The following NRXN3 variants were observed in gnomAD, a reference collection of about 807,000 sequenced individuals.
NRXN3 encodes neurexin III.
A neutral mutation model predicts 137.6 loss-of-function variants in NRXN3; 32 were observed. The observed-to-expected ratio is 0.23, with a 90% CI of 0.18 to 0.31. The LOEUF is 0.31. NRXN3 is among the 10% of genes least tolerant of loss of function. The pLI, the probability that NRXN3 is intolerant of heterozygous loss-of-function variation, is 1.00. For synonymous variants in NRXN3, 798 were observed against 784.5 expected (o/e 1.02, Z -0.29); for missense variants, 1,574 against 2,062.5 (o/e 0.76, Z 4.59).
intron 15 of NRXN3, among the ~76,000 whole-genome samples, chr14:79,225,805 G>A (rs191477356): frequency 1.5e-3 from 221 of 152,208 alleles, no homozygotes; most frequent in African/African-American, 5.1e-3. Context: ...ATTTCTTGTG[G>A]TTGAAGGATG....
intron 15 of NRXN3, among the ~76,000 whole-genome samples, chr14:79,259,740 A>ACC (rs1306047918): frequency 6.6e-6 from 1 of 150,602 alleles, no homozygotes; most frequent in Non-Finnish European, 1.5e-5. Flanking sequence ...ACACACACAC[A>ACC]CACATATACA....
At chr14:79,302,834 A>T (rs542926061) in intron 15 of NRXN3, among the ~76,000 whole-genome samples, 3 of 151,998 alleles carry the variant, frequency 2.0e-5, no homozygotes, top group Non-Finnish European at 4.4e-5. Flanking sequence ...TGAGTCAATT[A>T]TACCTCATTT....
chr14:79,555,029 T>C (rs2097415173), intron 16 of NRXN3, among the ~76,000 whole-genome samples: 1 of 152,150 alleles, frequency 6.6e-6, no homozygotes, highest in South Asian at 2.1e-4. Context: ...GAGTGAAACA[T>C]TCAGGTCCTA....
chr14:79,375,052 C>T (rs2094221737), intron 15 of NRXN3, among the ~76,000 whole-genome samples: 1 of 152,148 alleles, frequency 6.6e-6, no homozygotes, highest in South Asian at 2.1e-4. Flanking sequence ...TGTTATCAGA[C>T]ATCCACCTAG....
chr14:79,257,618 G>A (rs980299942), intron 15 of NRXN3, among the ~76,000 whole-genome samples: 3 of 138,028 alleles, frequency 2.2e-5, no homozygotes, highest in African/African-American at 5.5e-5. Context: ...TGGTGGTGAC[G>A]ATGGTATTAG....
At chr14:78,990,302 C>T (rs1276033227) in intron 15 of NRXN3, among the ~76,000 whole-genome samples, 1 of 151,858 alleles carries the variant, frequency 6.6e-6, no homozygotes, top group African/African-American at 2.4e-5. Context: ...GGAGATTGGA[C>T]CACGGCTTCT....
At chr14:79,756,363 G>T (rs2099019515) in intron 19 of NRXN3, among the ~76,000 whole-genome samples, 1 of 152,056 alleles carries the variant, frequency 6.6e-6, no homozygotes, top group Admixed American at 6.6e-5. Flanking sequence ...TTTATAAAAA[G>T]TTTTTCTTTT....
chr14:78,842,084 GT>G (rs1170287843), intron 10 of NRXN3, among the ~76,000 whole-genome samples: 1 of 152,042 alleles, frequency 6.6e-6, no homozygotes, highest in Non-Finnish European at 1.5e-5. Context: ...CACTTTTCAG[GT>G]TTTCTTTGTA....
At chr14:78,214,157 C>T (rs2063024372) in intron 1 of NRXN3, among the ~76,000 whole-genome samples, 1 of 152,220 alleles carries the variant, frequency 6.6e-6, no homozygotes. Flanking sequence ...ATTCTTATTG[C>T]CTACTATGCT....
intron 1 of NRXN3, among the ~76,000 whole-genome samples, chr14:78,208,035 T>C (rs2062381220): frequency 6.6e-6 from 1 of 152,220 alleles, no homozygotes; most frequent in African/African-American, 2.4e-5. Flanking sequence ...TTTCTTCTAC[T>C]TGCTGAGTTA....
intron 14 of NRXN3, among the ~76,000 whole-genome samples, chr14:78,974,121 C>A (rs1240909418): frequency 6.6e-6 from 1 of 151,952 alleles, no homozygotes; most frequent in Non-Finnish European, 1.5e-5. Flanking sequence ...TTTACAATAG[C>A]TTTCAGTTTC....
At chr14:79,361,498 C>G (rs568069100) in intron 15 of NRXN3, among the ~76,000 whole-genome samples, 1 of 152,102 alleles carries the variant, frequency 6.6e-6, no homozygotes, top group Non-Finnish European at 1.5e-5. Context: ...GGGTGGATCA[C>G]TTGAGGTCAG....
chr14:78,909,618 G>A (rs901690652), intron 10 of NRXN3, among the ~76,000 whole-genome samples: 10 of 151,738 alleles, frequency 6.6e-5, no homozygotes, highest in African/African-American at 1.9e-4. Flanking sequence ...TTGTTTCCTT[G>A]TCTTAAAAAA....
At chr14:79,028,849 G>A (rs932075609) in intron 15 of NRXN3, among the ~76,000 whole-genome samples, 4 of 151,984 alleles carry the variant, frequency 2.6e-5, no homozygotes, top group African/African-American at 7.2e-5. Flanking sequence ...ACCATGAAGG[G>A]GTATAGTTCT....
intron 4 of NRXN3, among the ~76,000 whole-genome samples, chr14:78,539,059 A>G (rs1230998659): frequency 1.3e-5 from 2 of 152,200 alleles, no homozygotes; most frequent in Admixed American, 1.3e-4. Flanking sequence ...CATCAGGGAT[A>G]TTGGTCTGAA....
At chr14:78,377,564 C>T (rs898823035) in intron 4 of NRXN3, among the ~76,000 whole-genome samples, 1 of 152,222 alleles carries the variant, frequency 6.6e-6, no homozygotes, top group Non-Finnish European at 1.5e-5. Flanking sequence ...AACATAATGT[C>T]ACACACAGAG....
rs2098433301 is a variant in NRXN3, at chr14:79,641,370, A to T, written c.3445-22408A>T. Among the ~76,000 whole-genome samples the T allele has an allele frequency of 1.5e-5, 2 of 135,638 alleles. 1 individual carries two copies. The highest frequency in any genetic ancestry group is 4.9e-5 in the African/African-American group (2 of 40,792). The allele number at this position is 135,638 out of a possible 152,430, so 89.0% of individuals were successfully genotyped here. ...TCTTGCATTTGGGTCACAGCTTCAG[A>T]AGGTTATTACCAATCAGAAAAAGGT... On this transcript the variant is annotated intron_variant, in intron 16 of 20. Transcript: ENST00000335750.
intron 19 of NRXN3, among the ~76,000 whole-genome samples, chr14:79,704,855 C>G (rs2098770543): frequency 6.6e-6 from 1 of 152,090 alleles, no homozygotes; most frequent in Non-Finnish European, 1.5e-5. Context: ...ACAGTTCTAA[C>G]AACAACAGAA....
intron 15 of NRXN3, among the ~76,000 whole-genome samples, chr14:79,159,859 C>T (rs954575195): frequency 7.9e-5 from 12 of 151,910 alleles, no homozygotes; most frequent in African/African-American, 2.9e-4. Context: ...TATTTTGCTA[C>T]AAAGCCAAAT....
Sources: allele counts gnomAD v4.1 joint callset (sites outside exome capture counted in the v4.1 genomes callset), GRCh38; gene constraint gnomAD v4.1.1; transcripts MANE v1.5; gene names NCBI Gene and HGNC (gene_info 2026-07-23, HGNC 2026-07-21).